NRN1: variants seen among roughly 807,000 people sequenced by gnomAD.
NRN1 encodes neuritin.
NRN1 carries 4 observed loss-of-function variants against 15.0 expected under a neutral mutation model. That is an observed-to-expected ratio of 0.27 (90% CI 0.13 to 0.61). The LOEUF (loss-of-function observed/expected upper bound fraction) is 0.61. Ranked by LOEUF, NRN1 falls within the 20% of genes least tolerant of loss-of-function variation. The probability of loss-of-function intolerance (pLI) is 0.87; values close to 1 mark genes in which losing one functional copy is unlikely to be tolerated. For synonymous variants in NRN1, 85 were observed against 79.8 expected (o/e 1.07, Z -0.35); for missense variants, 134 against 181.9 (o/e 0.74, Z 1.51).
intron 1 of NRN1, chr6:6,002,722 C>A: frequency 3.3e-6 from 2 of 608,162 alleles, no homozygotes; most frequent in Non-Finnish European, 2.9e-6. Context: ...GGTGTGTGAG[C>A]AGGTGTGGGT....
upstream of NRN1, chr6:6,006,944 AG>A: frequency 6.1e-6 from 1 of 165,178 alleles, no homozygotes. Context: ...AGAGAAAGAG[AG>A]AGAGAGAGAG....
At chr6:6,004,431 C>A (rs1758054504) in intron 1 of NRN1, among the ~76,000 whole-genome samples, 1 of 152,176 alleles carries the variant, frequency 6.6e-6, no homozygotes, top group African/African-American at 2.4e-5. Context: ...CACCCCTTGC[C>A]TACACCCCCA....
At chr6:6,000,869 A>G (rs1042273768) in intron 2 of NRN1, among the ~76,000 whole-genome samples, 1 of 151,742 alleles carries the variant, frequency 6.6e-6, no homozygotes, top group Non-Finnish European at 1.5e-5. Flanking sequence ...CCAAATGAGT[A>G]GGGCCTGGAC....
rs754882688 is a variant in NRN1 at position 6,002,505 on chromosome 6, G to T, written c.56-8C>A. ...CGGCCTGCACCAGATACGCTGCGGG[G>T]AGGAGGGAACACCGGTCAGCAGCGC... On this transcript the variant is annotated splice_polypyrimidine_tract_variant and splice_region_variant and intron_variant, in intron 1 of 2. Transcript: ENST00000244766. The T allele has an allele frequency of 1.2e-6, 2 of 1,612,218 alleles. No homozygotes were observed. Among genetic ancestry groups the T allele is most frequent in the South Asian group, 2.2e-5 (2 of 91,056 alleles).
chr6:6,005,685 C>G (rs1435873725), intron 1 of NRN1, among the ~76,000 whole-genome samples: 5 of 152,200 alleles, frequency 3.3e-5, no homozygotes, highest in Non-Finnish European at 7.3e-5. Context: ...GTAACAATTC[C>G]GTTTCAGGAG....
chr6:6,003,773 T>C (rs1322166678), intron 1 of NRN1: 1 of 1,234,130 alleles, frequency 8.1e-7, no homozygotes, highest in Admixed American at 4.2e-5. Context: ...GGAAGCTGAG[T>C]GCCTAGCGGC....
chr6:6,005,699 C>CT (rs755929481), intron 1 of NRN1, among the ~76,000 whole-genome samples: 3 of 152,190 alleles, frequency 2.0e-5, no homozygotes, highest in Non-Finnish European at 2.9e-5. Flanking sequence ...TCAGGAGTTT[C>CT]TTTTTTCCCC....
Position 6,004,423 on chromosome 6 carries a change from C to T in NRN1, c.56-1926G>A, listed in dbSNP as rs375067914. On this transcript the variant is annotated intron_variant, in intron 1 of 2. Coordinates refer to ENST00000244766, the MANE Select transcript of NRN1 (RefSeq NM_016588.3). The stretch of plus-strand genomic sequence containing the variant: ...ATCTCCCCGTCCACGTCTCTCCCCA[C>T]CCCTTGCCTACACCCCCAAAACTCA... Among the ~76,000 whole-genome samples the T allele has an allele frequency of 3.1e-3, 472 of 152,258 alleles. 1 individual carries two copies. The highest frequency in any genetic ancestry group is 0.011 in the African/African-American group (449 of 41,534).
At chr6:5,999,611 T>C (rs1486954256) in intron 2 of NRN1, among the ~76,000 whole-genome samples, 2 of 152,202 alleles carry the variant, frequency 1.3e-5, no homozygotes, top group African/African-American at 4.8e-5. Flanking sequence ...TAATGCCTCT[T>C]AGCTTGCAAG....
chr6:6,004,042 G>C (rs1185926975), intron 1 of NRN1: 1 of 1,173,882 alleles, frequency 8.5e-7, no homozygotes, highest in Non-Finnish European at 1.1e-6. Context: ...GACCGAACCC[G>C]TAGCAGCTTC....
chr6:6,002,637 G>A (rs1482553785), intron 1 of NRN1, 140 bp from the exon 2 acceptor site: 16 of 1,116,392 alleles, frequency 1.4e-5, no homozygotes, highest in Admixed American at 2.7e-5. Flanking sequence ...GGGCTCGCCA[G>A]TGTTAAAGGT....
At position 5,998,936 on chromosome 6, in the gene NRN1, G is replaced by T; in HGVS notation, c.*40C>A. 7.0e-7 allele frequency: 1 copy of T among 1,438,548 alleles called. No individual in the cohort carries two copies. The highest frequency in any genetic ancestry group is 1.2e-5 in the South Asian group (1 of 85,398). The allele number at this position is 1,438,548 out of a possible 1,614,324, so 89.1% of individuals were successfully genotyped here. On this transcript the variant is annotated 3_prime_UTR_variant, in exon 3 of 3. Coordinates refer to ENST00000244766, the MANE Select transcript of NRN1 (RefSeq NM_016588.3). Reference sequence around the variant, plus strand: ...TCCTCTCGATTTCCGGGAGCATGGAGTGAGTGTGGGTGGGCGCGCGGGGGG... The same window carrying T: ...TCCTCTCGATTTCCGGGAGCATGGATTGAGTGTGGGTGGGCGCGCGGGGGG...
chr6:6,002,496 C>A lies in NRN1; in HGVS notation c.57G>T (p.Ala19=). Residue 19 remains alanine (A), a splice_region_variant and synonymous_variant, in exon 2 of 3, where the codon GCG becomes GCT. Coordinates refer to ENST00000244766, the MANE Select transcript of NRN1 (RefSeq NM_016588.3). ...CTGCTCTCACGGCCTGCACCAGATA[C>A]GCTGCGGGGAGGAGGGAACACCGGT... ...YISLILAVQI[A]YLVQAVRAAG... is the part of the protein sequence containing the mutation. The A allele has an allele frequency of 1.9e-6, 3 of 1,613,294 alleles. No individual in the cohort carries two copies. The highest frequency in any genetic ancestry group is 1.7e-6 in the Non-Finnish European group (2 of 1,179,620).
chr6:6,006,642 G>A, intron 1 of NRN1, 53 bp downstream of exon 1: 2 of 1,584,132 alleles, frequency 1.3e-6, no homozygotes, highest in South Asian at 1.1e-5. Context: ...GCCTCGGGCC[G>A]GGGCAGGCTG....
chr6:6,002,312 C>G (rs1267950794), intron 2 of NRN1, 41 bp downstream of exon 2: 1 of 1,608,338 alleles, frequency 6.2e-7, no homozygotes, highest in Non-Finnish European at 8.5e-7. Context: ...CTCAGTAGCG[C>G]CCCCAAAACC....
intron 2 of NRN1, among the ~76,000 whole-genome samples, chr6:6,002,066 A>C (rs1486479777): frequency 6.6e-6 from 1 of 152,242 alleles, no homozygotes; most frequent in African/African-American, 2.4e-5. Context: ...CATGTCGAGC[A>C]TGCGCACCTC....
chr6:5,998,949 G>T lies in NRN1; in HGVS notation c.*27C>A. 6.5e-7 allele frequency: 1 copy of T among 1,549,784 alleles called. No homozygotes were observed. Among genetic ancestry groups the T allele is most frequent in the South Asian group, 1.1e-5 (1 of 88,232 alleles). ...CGGGAGCATGGAGTGAGTGTGGGTG[G>T]GCGCGCGGGGGGAGCTGGCCCCACG... On this transcript the variant is annotated 3_prime_UTR_variant, in exon 3 of 3. Coordinates refer to ENST00000244766, the MANE Select transcript of NRN1 (RefSeq NM_016588.3).
In NRN1 at chr6:6,006,759, A is replaced by G. The variant is rs904811772; in HGVS notation, c.-10T>C. ...TCAACTTAAGTCCCATCCTACGTTT[A>G]GTCAAACCATTTGCGACCGCAGACC... On this transcript the variant is annotated 5_prime_UTR_variant, in exon 1 of 3. Transcript: ENST00000244766. 3 of 1,614,026 alleles carry G rather than the reference A, an allele frequency of 1.9e-6. No individual in the cohort carries two copies. The highest frequency in any genetic ancestry group is 1.7e-5 in the Admixed American group (1 of 60,030).
chr6:6,004,830 C>T (rs1758065029), intron 1 of NRN1, among the ~76,000 whole-genome samples: 2 of 152,070 alleles, frequency 1.3e-5, no homozygotes, highest in Non-Finnish European at 2.9e-5. Flanking sequence ...CGGTTTCCAT[C>T]CGTTCATTCA....
Sources: allele counts gnomAD v4.1 joint callset (sites outside exome capture counted in the v4.1 genomes callset), GRCh38; gene constraint gnomAD v4.1.1; transcripts MANE v1.5; gene names NCBI Gene and HGNC (gene_info 2026-07-23, HGNC 2026-07-21).